The following PCDHA6 variants were observed in gnomAD, a reference collection of about 807,000 sequenced individuals.
PCDHA6 encodes protocadherin alpha 6.
A neutral mutation model predicts 60.3 loss-of-function variants in PCDHA6; 55 were observed. That is an observed-to-expected ratio of 0.91 (90% CI 0.73 to 1.14). The LOEUF is 1.14. Among genes scored for constraint, PCDHA6 ranks in the 50% most tolerant of loss-of-function variants. PCDHA6 has a pLI of 0.00. For missense variants in PCDHA6, 1,327 were observed against 1,256.5 expected (o/e 1.06, Z -0.85); for synonymous variants, 652 against 557.9 (o/e 1.17, Z -2.38).
At chr5:140,999,855 G>A (rs1019104615) in intron 3 of PCDHA6, among the ~76,000 whole-genome samples, 8 of 152,094 alleles carry the variant, frequency 5.3e-5, no homozygotes, top group Admixed American at 2.6e-4. Context: ...TATCTCTTCC[G>A]CTCCAAGATT....
At chr5:140,945,369 A>T (rs2153669585) in intron 1 of PCDHA6, among the ~76,000 whole-genome samples, 1 of 152,234 alleles carries the variant, frequency 6.6e-6, no homozygotes, top group African/African-American at 2.4e-5. Flanking sequence ...TAAAATGTCC[A>T]TATTACCCAA....
chr5:140,884,308 G>T, intron 1 of PCDHA6: 1 of 1,613,766 alleles, frequency 6.2e-7, no homozygotes. Flanking sequence ...AGGCTTCGTC[G>T]AGGGCGTCGG....
At chr5:140,958,295 C>T (rs1405336220) in intron 1 of PCDHA6, among the ~76,000 whole-genome samples, 1 of 151,884 alleles carries the variant, frequency 6.6e-6, no homozygotes, top group Admixed American at 6.6e-5. Context: ...TATTATTGAA[C>T]TTAATTAAAA....
chr5:140,835,941 CT>C (rs2150248742), intron 1 of PCDHA6: 13 of 1,612,538 alleles, frequency 8.1e-6, no homozygotes, highest in Non-Finnish European at 1.1e-5. Flanking sequence ...GGTGTACGCG[CT>C]GCAGCCGTTG....
Position 141,010,819 on chromosome 5 carries a change from TG to T in PCDHA6, c.*883del, listed in dbSNP as rs2098418471. ...AAAACCCCGACACCTCACCTTTCGCTGTTTGTTGTTTCATAGATTTATTTAA... is the reference window on the plus strand; with the variant it reads ...AAAACCCCGACACCTCACCTTTCGCTTTTGTTGTTTCATAGATTTATTTAA... On this transcript the variant is annotated 3_prime_UTR_variant, in exon 4 of 4. Coordinates refer to ENST00000529310, the MANE Select transcript of PCDHA6 (RefSeq NM_018909.4). The T allele has an allele frequency of 6.5e-6, 1 of 153,784 alleles. No individual in the cohort carries two copies. The highest frequency in any genetic ancestry group is 2.1e-4 in the South Asian group (1 of 4,838). 9.5% of individuals were successfully genotyped at this position (153,784 alleles called of 1,614,324 possible).
At chr5:140,949,663 T>C (rs1038571728) in intron 1 of PCDHA6, among the ~76,000 whole-genome samples, 2 of 151,872 alleles carry the variant, frequency 1.3e-5, no homozygotes, top group Non-Finnish European at 3.0e-5. Flanking sequence ...TTTGTTTCTT[T>C]AAAGTATGCC....
intron 1 of PCDHA6, chr5:140,865,531 T>A (rs562505947): frequency 4.6e-5 from 7 of 152,326 alleles, no homozygotes; most frequent in African/African-American, 1.7e-4. Flanking sequence ...ATTCTCTTCA[T>A]CCATAGCTAT....
At chr5:140,887,241 C>T (rs1215011038) in intron 1 of PCDHA6, among the ~76,000 whole-genome samples, 2 of 151,912 alleles carry the variant, frequency 1.3e-5, no homozygotes, top group African/African-American at 2.4e-5. Flanking sequence ...AGACTACCGG[C>T]GCCCGCCACC....
At chr5:140,940,528 A>G (rs1190387049) in intron 1 of PCDHA6, among the ~76,000 whole-genome samples, 6 of 152,156 alleles carry the variant, frequency 3.9e-5, no homozygotes, top group African/African-American at 1.4e-4. Flanking sequence ...AGCTCACTGC[A>G]ATCTTGAATT....
intron 1 of PCDHA6, chr5:140,929,210 G>C (rs782078369): frequency 1.9e-6 from 3 of 1,614,070 alleles, no homozygotes; most frequent in Non-Finnish European, 2.5e-6. Context: ...CTGTTGCGTG[G>C]GGAGTACAAT....
intron 1 of PCDHA6, chr5:140,869,122 A>G (rs1562622538): frequency 2.5e-6 from 4 of 1,607,706 alleles, no homozygotes; most frequent in Non-Finnish European, 3.4e-6. Flanking sequence ...TTTTCAGAGA[A>G]GGGGATTGGG....
At position 140,854,083 on chromosome 5, in the gene PCDHA6, G is replaced by T. The variant is rs545797216; in HGVS notation, c.2394+23598G>T. 8.5e-5 allele frequency: 23 copies of T among 269,910 alleles called. No individual in the cohort carries two copies. The East Asian group carries it at 3.2e-3, about 37-fold the overall frequency. The allele number at this position is 269,910 out of a possible 1,614,324, so 16.7% of individuals were successfully genotyped here. ...AGGCTGAGGCGAGAGAATCGCTTGA[G>T]CCTGGGACATTGAGGCTGCAGTGAA... On this transcript the variant is annotated intron_variant, in intron 1 of 3. Transcript: ENST00000529310.
intron 1 of PCDHA6, among the ~76,000 whole-genome samples, chr5:140,948,767 T>G (rs1266601836): frequency 6.6e-6 from 1 of 151,640 alleles, no homozygotes; most frequent in Non-Finnish European, 1.5e-5. Context: ...TTTTTTCGAA[T>G]AGCCAGCTTT....
intron 1 of PCDHA6, chr5:140,865,687 A>G (rs924237080): frequency 3.3e-5 from 5 of 152,204 alleles, no homozygotes; most frequent in African/African-American, 1.2e-4. Flanking sequence ...AGTACATATG[A>G]CTGTTCCAAT....
chr5:140,940,195 T>C (rs2092570084), intron 1 of PCDHA6, among the ~76,000 whole-genome samples: 1 of 152,220 alleles, frequency 6.6e-6, no homozygotes, highest in African/African-American at 2.4e-5. Flanking sequence ...TTTACATGGG[T>C]GTAAAATTCA....
chr5:140,890,995 A>C (rs1554184607), intron 1 of PCDHA6, among the ~76,000 whole-genome samples: 2 of 152,138 alleles, frequency 1.3e-5, no homozygotes, highest in Non-Finnish European at 1.5e-5. Context: ...ATTTCATCAT[A>C]ATTATTGAAA....
At chr5:140,975,935 C>A (rs1351802479) in intron 1 of PCDHA6, among the ~76,000 whole-genome samples, 1 of 152,060 alleles carries the variant, frequency 6.6e-6, no homozygotes, top group Non-Finnish European at 1.5e-5. Flanking sequence ...ACCTTTGAAG[C>A]AATAGGACAT....
At chr5:140,905,035 G>C (rs1554191907) in intron 1 of PCDHA6, among the ~76,000 whole-genome samples, 1 of 152,136 alleles carries the variant, frequency 6.6e-6, no homozygotes. Flanking sequence ...AAGCTTTTTA[G>C]TTTAATTAGG....
At chr5:140,889,347 T>A (rs531486529) in intron 1 of PCDHA6, among the ~76,000 whole-genome samples, 1 of 152,202 alleles carries the variant, frequency 6.6e-6, no homozygotes, top group South Asian at 2.1e-4. Context: ...GTGGGAATAT[T>A]TCTGATTACT....
Sources: allele counts gnomAD v4.1 joint callset (sites outside exome capture counted in the v4.1 genomes callset), GRCh38; gene constraint gnomAD v4.1.1; transcripts MANE v1.5; gene names NCBI Gene and HGNC (gene_info 2026-07-23, HGNC 2026-07-21).